Variants in NR6A1 observed in about 807,000 individuals in gnomAD.
NR6A1 encodes the protein retinoic acid receptor-related testis-associated receptor.
Under a neutral mutation model 59.1 loss-of-function variants are expected in NR6A1, and 7 were observed. The ratio of observed to expected loss-of-function variants is 0.12; its 90% CI spans 0.07 to 0.22. NR6A1 has a LOEUF of 0.22. Ranked by LOEUF, NR6A1 falls within the 10% of genes least tolerant of loss-of-function variation. The pLI is 1.00. For missense variants in NR6A1, 468 were observed against 611.6 expected, an observed-to-expected ratio of 0.77 and a Z score of 2.48; for synonymous variants, 243 against 236.1, an observed-to-expected ratio of 1.03 and a Z score of -0.27.
chr9:124,577,982 A>C (rs746946250), intron 2 of NR6A1, among the ~76,000 whole-genome samples: 3 of 152,232 alleles, frequency 2.0e-5, no homozygotes, highest in Non-Finnish European at 4.4e-5. Flanking sequence ...GAAAGCACTA[A>C]GAACATTTGC....
chr9:124,720,071 C>G (rs1839522963), intron 2 of NR6A1, among the ~76,000 whole-genome samples: 1 of 151,978 alleles, frequency 6.6e-6, no homozygotes, highest in Non-Finnish European at 1.5e-5. Flanking sequence ...TTTTGAAATG[C>G]AGTTTTGCTC....
chr9:124,567,831 C>CT (rs534591761), intron 2 of NR6A1, among the ~76,000 whole-genome samples: 8,490 of 101,172 alleles, frequency 0.084, 361 homozygotes, highest in Non-Finnish European at 0.1. Context: ...TAAAAATTTG[C>CT]TTTTTTTTTT....
At chr9:124,681,664 A>G (rs974015666) in intron 2 of NR6A1, among the ~76,000 whole-genome samples, 3 of 152,168 alleles carry the variant, frequency 2.0e-5, no homozygotes, top group African/African-American at 7.2e-5. Context: ...TTAAGCCAAA[A>G]TTAGAATTTT....
intron 2 of NR6A1, among the ~76,000 whole-genome samples, chr9:124,634,770 C>T (rs143916637): frequency 0.01 from 1,570 of 152,074 alleles, 26 homozygotes; most frequent in African/African-American, 0.036. Context: ...TGCAATGAGC[C>T]GAGATCGCGC....
chr9:124,730,064 C>T (rs1475717304), intron 2 of NR6A1, among the ~76,000 whole-genome samples: 2 of 152,288 alleles, frequency 1.3e-5, no homozygotes, highest in African/African-American at 4.8e-5. Context: ...CCGCCTGCCT[C>T]AGCCTCCCGA....
chr9:124,712,259 G>C (rs2131074237), intron 2 of NR6A1, among the ~76,000 whole-genome samples: 1 of 152,250 alleles, frequency 6.6e-6, no homozygotes, highest in Middle Eastern at 3.4e-3. Context: ...TTAAACTAAT[G>C]CAGATTCAAC....
chr9:124,763,632 T>C (rs1196725281), intron 1 of NR6A1, among the ~76,000 whole-genome samples: 1 of 152,190 alleles, frequency 6.6e-6, no homozygotes, highest in Admixed American at 6.5e-5. Flanking sequence ...TATTTGTTTA[T>C]AAATTTTAAA....
chr9:124,723,449 A>G (rs1042323823), intron 2 of NR6A1, among the ~76,000 whole-genome samples: 2 of 152,360 alleles, frequency 1.3e-5, no homozygotes, highest in East Asian at 1.9e-4. Flanking sequence ...AGTCAGCAGC[A>G]TATGAGCTCT....
chr9:124,584,542 C>T (rs1170323552), intron 2 of NR6A1, among the ~76,000 whole-genome samples: 1 of 152,080 alleles, frequency 6.6e-6, no homozygotes, highest in Non-Finnish European at 1.5e-5. Context: ...ATATTTCAAA[C>T]TTGTTCATAT....
intron 2 of NR6A1, among the ~76,000 whole-genome samples, chr9:124,562,514 T>C (rs554540341): frequency 8.5e-4 from 130 of 152,278 alleles, no homozygotes; most frequent in African/African-American, 2.8e-3. Context: ...CTCTGCAGCC[T>C]TGAACGCCTG....
intron 3 of NR6A1, among the ~76,000 whole-genome samples, chr9:124,553,122 T>C (rs1346892968): frequency 6.6e-6 from 1 of 152,174 alleles, no homozygotes; most frequent in Non-Finnish European, 1.5e-5. Context: ...TAATTGAATA[T>C]TGGAGATATA....
At chr9:124,698,509 T>C (rs1012507107) in intron 2 of NR6A1, 1 of 152,140 alleles carries the variant, frequency 6.6e-6, no homozygotes, top group African/African-American at 2.4e-5. Context: ...ATGAAGGAAA[T>C]TCCAGCCTAT....
intron 2 of NR6A1, among the ~76,000 whole-genome samples, chr9:124,633,311 G>A (rs921844877): frequency 2.0e-5 from 3 of 150,938 alleles, no homozygotes; most frequent in Non-Finnish European, 2.9e-5. Flanking sequence ...GCTGAGGCAG[G>A]AGAATGGCGT....
intron 2 of NR6A1, among the ~76,000 whole-genome samples, chr9:124,645,580 C>T (rs1564216360): frequency 6.6e-6 from 1 of 152,090 alleles, no homozygotes. Flanking sequence ...GGAGTCAATA[C>T]TCTAAGAAGA....
At chr9:124,596,784 T>C (rs1424626400) in intron 2 of NR6A1, among the ~76,000 whole-genome samples, 1 of 152,162 alleles carries the variant, frequency 6.6e-6, no homozygotes, top group East Asian at 1.9e-4. Context: ...GGCTGGCAAA[T>C]TGGAGCCACG....
intron 2 of NR6A1, among the ~76,000 whole-genome samples, chr9:124,593,630 G>A (rs184950933): frequency 2.0e-5 from 3 of 152,300 alleles, no homozygotes; most frequent in Admixed American, 6.5e-5. Context: ...ATTCCCCAAC[G>A]TTGAAAGGGC....
intron 8 of NR6A1, among the ~76,000 whole-genome samples, chr9:124,525,334 A>G (rs1832904144): frequency 7.6e-6 from 1 of 131,398 alleles, no homozygotes; most frequent in Non-Finnish European, 1.6e-5. Flanking sequence ...GCACCCTCCT[A>G]TGCGCTTCTG....
chr9:124,602,745 C>A (rs183916984), intron 2 of NR6A1, among the ~76,000 whole-genome samples: 3 of 152,256 alleles, frequency 2.0e-5, no homozygotes, highest in Admixed American at 2.0e-4. Flanking sequence ...TAAAATGCCC[C>A]CATTAAGTGT....
intron 2 of NR6A1, among the ~76,000 whole-genome samples, chr9:124,721,428 G>C (rs113045957): frequency 6.6e-6 from 1 of 152,176 alleles, no homozygotes; most frequent in African/African-American, 2.4e-5. Flanking sequence ...GCTTGATCTA[G>C]CAGCAATGCC....
Sources: gnomAD v4.1 joint callset for allele counts (sites outside exome capture counted in the v4.1 genomes callset) on GRCh38, gnomAD v4.1.1 for gene constraint, MANE v1.5 for transcripts, NCBI Gene and HGNC (gene_info 2026-07-23, HGNC 2026-07-21) for gene names.